The following POLR1B variants were observed in gnomAD, a reference collection of about 807,000 sequenced individuals.
POLR1B encodes RNA polymerase I subunit B.
A neutral mutation model predicts 105.8 loss-of-function variants in POLR1B; 30 were observed. That is an observed-to-expected ratio of 0.28 (90% CI 0.21 to 0.38). The LOEUF (loss-of-function observed/expected upper bound fraction) is 0.38. POLR1B is among the 10% of genes least tolerant of loss of function. The pLI is 1.00. For synonymous variants in POLR1B, 485 were observed against 505.1 expected, an observed-to-expected ratio of 0.96 and a Z score of 0.53; for missense variants, 976 against 1,435.8, an observed-to-expected ratio of 0.68 and a Z score of 5.17.
chr2:112,573,893 C>T, intron 14 of POLR1B, 78 bp downstream of exon 14: 1 of 1,525,538 alleles, frequency 6.6e-7, no homozygotes, highest in Non-Finnish European at 8.9e-7. Flanking sequence ...GTCAGCCGGG[C>T]TGGAGTGCAG....
intron 1 of POLR1B, among the ~76,000 whole-genome samples, chr2:112,546,385 A>G (rs1683041696): frequency 6.6e-6 from 1 of 152,138 alleles, no homozygotes; most frequent in Non-Finnish European, 1.5e-5. Context: ...AGAATACACA[A>G]GGCTCTTGGT....
Position 112,572,543 on chromosome 2 carries a change from A to T in POLR1B, c.2075-19A>T. On this transcript the variant is annotated intron_variant, in intron 12 of 14. Coordinates refer to ENST00000263331, the MANE Select transcript of POLR1B (RefSeq NM_019014.6). Reference sequence around the variant, plus strand: ...GATGAAAGCAGCAGAAAATGCTAAGATGTTTTTTCTCCATGTAGGTAAGCA... The same window carrying T: ...GATGAAAGCAGCAGAAAATGCTAAGTTGTTTTTTCTCCATGTAGGTAAGCA... The T allele has an allele frequency of 6.6e-7, 1 of 1,520,470 alleles. No homozygotes were observed. The allele number at this position is 1,520,470 out of a possible 1,614,324, so 94.2% of individuals were successfully genotyped here. A position where few individuals can be genotyped will look rare whatever the true frequency, so the allele number is the denominator to read the frequency against.
intron 1 of POLR1B, among the ~76,000 whole-genome samples, chr2:112,545,411 A>G (rs1276803174): frequency 6.6e-6 from 1 of 152,224 alleles, no homozygotes; most frequent in African/African-American, 2.4e-5. Context: ...AGAAACACAC[A>G]TAATACAAGA....
chr2:112,566,942 C>T (rs746211335), intron 10 of POLR1B, among the ~76,000 whole-genome samples: 14 of 151,844 alleles, frequency 9.2e-5, no homozygotes, highest in African/African-American at 1.7e-4. Flanking sequence ...CATGTTGCCC[C>T]GGCTGGTCTC....
chr2:112,573,692 C>T lies in POLR1B; in HGVS notation c.2402C>T (p.Pro801Leu), dbSNP rs756235585. 3.1e-6 allele frequency: 5 copies of T among 1,614,048 alleles called. No individual in the cohort carries two copies. The Admixed American group carries it at 5.0e-5, about 16-fold the overall frequency. The change falls in exon 14 of 15, where the codon CCA becomes CTA. Residue 801 changes from proline (P) to leucine (L), a missense_variant. By Grantham distance (98) the Pro-to-Leu change is moderately conservative (BLOSUM62 -3). Coordinates refer to ENST00000263331, the MANE Select transcript of POLR1B (RefSeq NM_019014.6). Reference protein sequence around the residue: ...SLVFGIKPGDPRVLQKLDDDG... With the variant: ...SLVFGIKPGDLRVLQKLDDDG... ...GTGTTTGGCATCAAACCTGGTGACC[C>T]ACGCGTTCTGCAGAAGTTAGATGAC...
chr2:112,552,242 C>T (rs1264909327), intron 6 of POLR1B, among the ~76,000 whole-genome samples: 1 of 152,124 alleles, frequency 6.6e-6, no homozygotes, highest in Non-Finnish European at 1.5e-5. Context: ...TTCAGACTTC[C>T]AGAATAATGT....
In POLR1B at chr2:112,575,295, A is replaced by G. The variant is rs1477139302; in HGVS notation, c.2974A>G (p.Ile992Val). ...GISGLELEAD[I>V]FIGVVYYQRL... ...CAGTGGGCTAGAACTGGAAGCAGAC[A>G]TCTTCATAGGAGTGGTTTATTATCA... The change falls in exon 15 of 15, where the codon ATC becomes GTC. Residue 992 changes from isoleucine (I) to valine (V), a missense_variant. Around this residue, in one of 12 missense-constraint regions of POLR1B, gnomAD observed 40 missense variants for 49.6 expected, o/e 0.81. Transcript: ENST00000263331. This position sits in a 1 kb window ranked among gnomAD's most constrained non-coding sequence, Gnocchi z 5.3. 3.1e-6 allele frequency: 5 copies of G among 1,614,160 alleles called. No homozygotes were observed. Among genetic ancestry groups the G allele is most frequent in the South Asian group, 1.1e-5 (1 of 91,068 alleles).
At chr2:112,549,516 T>G in intron 4 of POLR1B, 117 bp downstream of exon 4, 3 of 754,672 alleles carry the variant, frequency 4.0e-6, no homozygotes, top group Non-Finnish European at 5.7e-6. Flanking sequence ...TTTTTTTTTT[T>G]GGTAGGGATG....
intron 1 of POLR1B, among the ~76,000 whole-genome samples, chr2:112,544,853 T>C (rs907690892): frequency 3.3e-5 from 5 of 152,214 alleles, no homozygotes; most frequent in Non-Finnish European, 7.3e-5. Flanking sequence ...TGTGTCTGTC[T>C]TTTCAAAATA....
chr2:112,567,377 T>G (rs917517381), intron 10 of POLR1B, among the ~76,000 whole-genome samples: 21 of 151,926 alleles, frequency 1.4e-4, no homozygotes, highest in African/African-American at 4.6e-4. Context: ...AGGAGTTTGT[T>G]GGAGTTTTTT....
intron 6 of POLR1B, 115 bp from the exon 7 acceptor site, chr2:112,552,530 T>A: frequency 8.7e-7 from 1 of 1,155,090 alleles, no homozygotes; most frequent in East Asian, 2.7e-5. Flanking sequence ...ACTGAATGCT[T>A]AATTTTATTT....
In POLR1B at chr2:112,543,814, G is replaced by C. The variant is rs73955234; in HGVS notation, c.177+1143G>C. ...TTAAAAGTTAATCGGGCTGGGTGCAGTGGCTCACACCTGTAATCCAGGACT... is the reference window on the plus strand; with the variant it reads ...TTAAAAGTTAATCGGGCTGGGTGCACTGGCTCACACCTGTAATCCAGGACT... On this transcript the variant is annotated intron_variant, in intron 1 of 14. Transcript: ENST00000263331. Among the ~76,000 whole-genome samples, 942 of 152,318 alleles carry C rather than the reference G, an allele frequency of 6.2e-3. 10 individuals carry two copies. The highest frequency in any genetic ancestry group is 0.021 in the African/African-American group (893 of 41,564).
In POLR1B at chr2:112,564,388, T is replaced by G; in HGVS notation, c.1635T>G (p.Ala545=). 6.2e-7 allele frequency: 1 copy of G among 1,614,180 alleles called. No homozygotes were observed. The highest frequency in any genetic ancestry group is 1.1e-5 in the South Asian group (1 of 91,082). The change falls in exon 10 of 15, where the codon GCT becomes GCG. Residue 545 remains alanine, a synonymous_variant. Coordinates refer to ENST00000263331, the MANE Select transcript of POLR1B (RefSeq NM_019014.6). ...CNLGVTPIDG[A]PHRSYSECYP... Reference sequence around the variant, plus strand: ...CAGGGGTCACTCCCATTGATGGAGCTCCCCACCGATCATACAGTGAGTGCT... The same window carrying G: ...CAGGGGTCACTCCCATTGATGGAGCGCCCCACCGATCATACAGTGAGTGCT...
At chr2:112,551,574 G>C (rs1284521177) in intron 5 of POLR1B, among the ~76,000 whole-genome samples, 3 of 152,186 alleles carry the variant, frequency 2.0e-5, no homozygotes, top group Non-Finnish European at 4.4e-5. Context: ...TGAACACCAG[G>C]AGATGAGGAC....
chr2:112,559,287 A>G lies in POLR1B; in HGVS notation c.1331-6A>G, dbSNP rs1230747418. 1.9e-6 allele frequency: 3 copies of G among 1,612,194 alleles called. No individual in the cohort carries two copies. The highest frequency in any genetic ancestry group is 8.5e-7 in the Non-Finnish European group (1 of 1,178,462). On this transcript the variant is annotated splice_region_variant and splice_polypyrimidine_tract_variant and intron_variant, in intron 8 of 14. Transcript: ENST00000263331. ...CCCATTTTTGAATGACTTTTGTTTT[A>G]TTAAGGTCTTGGCCTCCTACAAGAT...
At chr2:112,549,587 T>C (rs918094049) in intron 4 of POLR1B, among the ~76,000 whole-genome samples, 188 bp downstream of exon 4, 9 of 149,770 alleles carry the variant, frequency 6.0e-5, no homozygotes, top group African/African-American at 9.8e-5. Flanking sequence ...TCCTTCTGCC[T>C]CAGCCTCCCA....
At chr2:112,550,784 GTTAAGA>G in intron 4 of POLR1B, 76 bp from the exon 5 acceptor site, 3 of 1,447,744 alleles carry the variant, frequency 2.1e-6, no homozygotes, top group Non-Finnish European at 2.9e-6. Flanking sequence ...TGTCTAAGAG[GTTAAGA>G]TTGTTCAGAA....
chr2:112,575,153 C>T lies in POLR1B; in HGVS notation c.2832C>T (p.Cys944=). 1 of 1,614,028 alleles carries T rather than the reference C, an allele frequency of 6.2e-7. No individual in the cohort carries two copies. The highest frequency in any genetic ancestry group is 1.7e-5 in the Admixed American group (1 of 60,004). The change falls in exon 15 of 15, where the codon TGC becomes TGT. Residue 944 remains cysteine (C), a synonymous_variant. Transcript: ENST00000263331. This position sits in a 1 kb window ranked among gnomAD's most constrained non-coding sequence, Gnocchi z 5.3. ...AGTCTGCAGCTTTGCATGGTCTCTG[C>T]CATGATGCTACACCCTTCATCTTCT... ...AGKSAALHGL[C]HDATPFIFSE... is the part of the protein sequence containing the mutation.
chr2:112,575,507 A>C lies in POLR1B; in HGVS notation c.3186A>C (p.Ser1062=), dbSNP rs1401526855. 6.2e-7 allele frequency: 1 copy of C among 1,614,188 alleles called. No homozygotes were observed. Among genetic ancestry groups the C allele is most frequent in the East Asian group, 2.2e-5 (1 of 44,882 alleles). The part of the protein sequence containing the change: ...FLLHDRLFNC[S]DRSVAHVCVK... Reference sequence around the variant, plus strand: ...TTCATGACCGCCTCTTCAACTGCTCAGATCGGTCGGTAGCCCATGTGTGTG... The same window carrying C: ...TTCATGACCGCCTCTTCAACTGCTCCGATCGGTCGGTAGCCCATGTGTGTG... The change falls in exon 15 of 15, where the codon TCA becomes TCC. Residue 1062 remains serine (S), a synonymous_variant. Coordinates refer to ENST00000263331, the MANE Select transcript of POLR1B (RefSeq NM_019014.6). This position sits in a 1 kb window ranked among gnomAD's most constrained non-coding sequence, Gnocchi z 5.3.
Sources: allele counts gnomAD v4.1 joint callset (sites outside exome capture counted in the v4.1 genomes callset), GRCh38; gene constraint gnomAD v4.1.1; regional missense constraint gnomAD v4.1.1; non-coding constraint Gnocchi (gnomAD v3.1); transcripts MANE v1.5; gene names NCBI Gene and HGNC (gene_info 2026-07-23, HGNC 2026-07-21).